The following CCDC102B variants were observed in gnomAD, a reference collection of about 807,000 sequenced individuals.
CCDC102B encodes coiled-coil domain containing 102B, also known as coiled-coil domain-containing protein 102B.
A neutral mutation model predicts 57.4 loss-of-function variants in CCDC102B; 75 were observed. The observed-to-expected ratio is 1.31, with a 90% CI of 1.08 to 1.58. CCDC102B has a LOEUF of 1.58. CCDC102B is among the 40% of genes most tolerant of loss of function. CCDC102B has a pLI of 0.00. For missense variants in CCDC102B, 636 were observed against 582.6 expected (o/e 1.09, Z -0.94); for synonymous variants, 206 against 201.9 (o/e 1.02, Z -0.17).
At chr18:68,848,966 C>T (rs1467623844) in intron 4 of CCDC102B, among the ~76,000 whole-genome samples, 1 of 151,960 alleles carries the variant, frequency 6.6e-6, no homozygotes, top group African/African-American at 2.4e-5. Flanking sequence ...TGAGCATTTG[C>T]TTGGAATGTT....
chr18:68,959,351 C>T (rs192866139), intron 6 of CCDC102B, among the ~76,000 whole-genome samples: 1 of 152,244 alleles, frequency 6.6e-6, no homozygotes, highest in East Asian at 1.9e-4. Context: ...TCCCTTACTT[C>T]CACCCAAACA....
chr18:68,739,016 C>T (rs1321016195), intron 2 of CCDC102B, among the ~76,000 whole-genome samples: 1 of 112,734 alleles, frequency 8.9e-6, no homozygotes, highest in Non-Finnish European at 1.7e-5. Flanking sequence ...TTTTTTTAGA[C>T]CAGGTCTTGC....
chr18:68,951,267 G>T (rs540391720), intron 6 of CCDC102B, among the ~76,000 whole-genome samples: 2 of 152,132 alleles, frequency 1.3e-5, no homozygotes, highest in Non-Finnish European at 2.9e-5. Context: ...TTGGGAAGCA[G>T]TTGACAGAAA....
intron 5 of CCDC102B, among the ~76,000 whole-genome samples, chr18:68,894,758 A>G (rs1397698606): frequency 6.6e-6 from 1 of 151,798 alleles, no homozygotes; most frequent in Admixed American, 6.6e-5. Flanking sequence ...GTTTTGATAA[A>G]TCTGCCAATA....
chr18:69,009,910 T>C (rs373707280), intron 6 of CCDC102B, among the ~76,000 whole-genome samples: 1 of 142,180 alleles, frequency 7.0e-6, no homozygotes, highest in Admixed American at 7.2e-5. Flanking sequence ...TTTTTCTTTA[T>C]AGTTTTAATA....
At chr18:68,744,145 T>C (rs1209417031) in intron 2 of CCDC102B, among the ~76,000 whole-genome samples, 5 of 152,212 alleles carry the variant, frequency 3.3e-5, no homozygotes, top group Non-Finnish European at 7.3e-5. Flanking sequence ...TAATATCTTA[T>C]TGTAATTCAG....
intron 2 of CCDC102B, among the ~76,000 whole-genome samples, chr18:68,737,448 T>TGTG (rs10546668): frequency 0.12 from 18,146 of 150,534 alleles, 1,479 homozygotes; most frequent in African/African-American, 0.22. Flanking sequence ...GACTGGCGCT[T>TGTG]GTGGTGGTGG....
At chr18:68,997,467 AT>A (rs1396478741) in intron 6 of CCDC102B, among the ~76,000 whole-genome samples, 2 of 152,088 alleles carry the variant, frequency 1.3e-5, no homozygotes, top group Non-Finnish European at 2.9e-5. Context: ...CAAAAGGAGT[AT>A]CAGTGAAAGC....
intron 1 of CCDC102B, among the ~76,000 whole-genome samples, chr18:68,810,547 T>A (rs138332852): frequency 1.4e-4 from 21 of 152,274 alleles, no homozygotes; most frequent in Non-Finnish European, 2.9e-4. Flanking sequence ...TCTCCATCAC[T>A]TTTGAATGAT....
intron 1 of CCDC102B, among the ~76,000 whole-genome samples, chr18:68,828,652 A>C (rs2144760285): frequency 6.6e-6 from 1 of 151,850 alleles, no homozygotes; most frequent in Admixed American, 6.6e-5. Context: ...CAATAATCTA[A>C]GTTCCTACCA....
intron 4 of CCDC102B, among the ~76,000 whole-genome samples, chr18:68,853,763 T>C (rs2038254040): frequency 6.9e-6 from 1 of 144,072 alleles, no homozygotes; most frequent in Non-Finnish European, 1.5e-5. Flanking sequence ...ACCCCAAGAC[T>C]CCATTAGGCG....
At chr18:69,040,531 A>G (rs1251367969) in intron 7 of CCDC102B, among the ~76,000 whole-genome samples, 1 of 151,804 alleles carries the variant, frequency 6.6e-6, no homozygotes, top group Non-Finnish European at 1.5e-5. Context: ...AAGATCAAGC[A>G]ATAGGATTAT....
chr18:68,953,348 T>C (rs1340365107), intron 6 of CCDC102B, among the ~76,000 whole-genome samples: 1 of 136,146 alleles, frequency 7.3e-6, no homozygotes, highest in African/African-American at 2.6e-5. Flanking sequence ...CTCTTGCCAA[T>C]ACTTGTCTTT....
chr18:68,775,256 C>T (rs2581723), intron 2 of CCDC102B, among the ~76,000 whole-genome samples: 149,530 of 152,130 alleles, frequency 0.98, 73,536 homozygotes, highest in East Asian at 1. Context: ...CACCAGTTTA[C>T]CTTTGTTATA....
chr18:68,769,998 G>A (rs2034587729), intron 2 of CCDC102B, among the ~76,000 whole-genome samples: 1 of 152,222 alleles, frequency 6.6e-6, no homozygotes, highest in Admixed American at 6.5e-5. Context: ...GGTGGGTATA[G>A]AGGCTACTTC....
chr18:68,833,314 G>T (rs1487371136), intron 1 of CCDC102B, among the ~76,000 whole-genome samples: 3 of 151,022 alleles, frequency 2.0e-5, no homozygotes, highest in Non-Finnish European at 4.4e-5. Context: ...ACATTATATA[G>T]AAATTGGAAC....
intron 7 of CCDC102B, among the ~76,000 whole-genome samples, chr18:69,047,066 C>T (rs1033707297): frequency 3.4e-4 from 52 of 151,980 alleles, no homozygotes; most frequent in African/African-American, 1.3e-3. Flanking sequence ...TTAGAATTGC[C>T]TTGGCTATTT....
At chr18:69,021,142 G>A (rs1031445006) in intron 7 of CCDC102B, among the ~76,000 whole-genome samples, 2 of 152,162 alleles carry the variant, frequency 1.3e-5, no homozygotes, top group Admixed American at 6.6e-5. Flanking sequence ...TGTGAGAGAC[G>A]TTTTGTTTAA....
intron 7 of CCDC102B, among the ~76,000 whole-genome samples, chr18:69,017,980 T>A (rs1406089646): frequency 6.6e-6 from 1 of 151,586 alleles, no homozygotes; most frequent in Admixed American, 6.6e-5. Flanking sequence ...TCCTTCTTTT[T>A]AAGGCTAAAT....
Sources: gnomAD v4.1 joint callset for allele counts (sites outside exome capture counted in the v4.1 genomes callset) on GRCh38, gnomAD v4.1.1 for gene constraint, MANE v1.5 for transcripts, NCBI Gene and HGNC (gene_info 2026-07-23, HGNC 2026-07-21) for gene names.